Variants in F13A1 observed in about 807,000 individuals in gnomAD.
F13A1 encodes the protein coagulation factor XIII A chain, also known as FSF, A subunit.
In F13A1, 47 loss-of-function variants were observed where a neutral mutation model predicts 80.1. The observed-to-expected ratio is 0.59, with a 90% confidence interval of 0.46 to 0.75. The LOEUF (loss-of-function observed/expected upper bound fraction) is 0.75. Among genes scored for constraint, F13A1 ranks in the 30% least tolerant of loss-of-function variants. F13A1 has a pLI of 0.00. For synonymous variants in F13A1, 349 were observed against 344.9 expected (o/e 1.01, Z -0.13); for missense variants, 817 against 930.4 (o/e 0.88, Z 1.59).
intron 4 of F13A1, among the ~76,000 whole-genome samples, chr6:6,252,290 A>G (rs3895271): frequency 0.46 from 69,843 of 151,962 alleles, 17,764 homozygotes; most frequent in African/African-American, 0.69. Context: ...GATAATTTTT[A>G]GACATTGGGA....
At chr6:6,217,141 C>T (rs1345576265) in intron 8 of F13A1, among the ~76,000 whole-genome samples, 2 of 148,900 alleles carry the variant, frequency 1.3e-5, no homozygotes, top group African/African-American at 5.0e-5. Context: ...GGATCTAGAA[C>T]CAGAAATACC....
chr6:6,179,900 G>A (rs959518480), intron 11 of F13A1, among the ~76,000 whole-genome samples: 1 of 152,120 alleles, frequency 6.6e-6, no homozygotes, highest in Non-Finnish European at 1.5e-5. Context: ...CCCCAGCCAA[G>A]CCCCTGACTC....
At chr6:6,184,397 C>G (rs1035225014) in intron 10 of F13A1, among the ~76,000 whole-genome samples, 1 of 152,220 alleles carries the variant, frequency 6.6e-6, no homozygotes, top group Non-Finnish European at 1.5e-5. Context: ...ACACTTGCGG[C>G]TCAGATTTCT....
intron 10 of F13A1, among the ~76,000 whole-genome samples, chr6:6,192,683 G>A (rs1480339379): frequency 2.6e-5 from 4 of 152,160 alleles, no homozygotes; most frequent in Non-Finnish European, 5.9e-5. Flanking sequence ...GAGAACTGCT[G>A]GCCCACAGCA....
At chr6:6,230,160 T>G (rs1036465124) in intron 6 of F13A1, among the ~76,000 whole-genome samples, 3 of 152,126 alleles carry the variant, frequency 2.0e-5, no homozygotes, top group African/African-American at 7.2e-5. Context: ...AACCAAACCC[T>G]TTTCTTTTGC....
chr6:6,296,509 T>C (rs1758330286), intron 3 of F13A1, among the ~76,000 whole-genome samples: 1 of 150,844 alleles, frequency 6.6e-6, no homozygotes, highest in South Asian at 2.1e-4. Flanking sequence ...TTTGAAGCAA[T>C]TGTGAATGGG....
intron 6 of F13A1, among the ~76,000 whole-genome samples, chr6:6,246,611 G>A (rs999684040): frequency 3.3e-5 from 5 of 152,182 alleles, no homozygotes; most frequent in Admixed American, 2.6e-4. Context: ...GGCTTTACAT[G>A]ATTAATAAAA....
At chr6:6,313,776 C>A (rs1178231797) in intron 2 of F13A1, among the ~76,000 whole-genome samples, 2 of 152,006 alleles carry the variant, frequency 1.3e-5, no homozygotes, top group East Asian at 3.9e-4. Flanking sequence ...AAAGCATTTT[C>A]TTAAGTGGCT....
intron 3 of F13A1, among the ~76,000 whole-genome samples, chr6:6,269,242 A>G (rs1757887318): frequency 6.6e-6 from 1 of 152,048 alleles, no homozygotes; most frequent in South Asian, 2.1e-4. Flanking sequence ...TACAAAATGG[A>G]GATCATGGTG....
intron 3 of F13A1, among the ~76,000 whole-genome samples, chr6:6,276,196 C>T (rs4960182): frequency 0.62 from 94,045 of 152,066 alleles, 29,329 homozygotes; most frequent in African/African-American, 0.7. Flanking sequence ...CATGTTCCCA[C>T]GCTCCTCTGC....
chr6:6,229,199 A>G (rs1172481038), intron 6 of F13A1, among the ~76,000 whole-genome samples: 4 of 152,184 alleles, frequency 2.6e-5, no homozygotes. Flanking sequence ...GGGAAAAGAA[A>G]CTGCATGCAG....
rs143805048 is a variant in F13A1, at chr6:6,219,120, G to A, written c.1112+2913C>T. On this transcript the variant is annotated intron_variant, in intron 8 of 14. Transcript: ENST00000264870. ...GGGGCCCCAGCCACAAACCAACCAG[G>A]AGCGGGGAAGACAGGTTGAGGTGGG... Among the ~76,000 whole-genome samples the A allele has an allele frequency of 7.1e-3, 1,085 of 152,260 alleles. 5 individuals carry two copies. The highest frequency in any genetic ancestry group is 0.041 in the Middle Eastern group (12 of 294).
At chr6:6,267,462 C>CTGTTT (rs1757860859) in intron 3 of F13A1, among the ~76,000 whole-genome samples, 1 of 152,210 alleles carries the variant, frequency 6.6e-6, no homozygotes, top group Non-Finnish European at 1.5e-5. Flanking sequence ...CACCCATCTC[C>CTGTTT]TGTTTCTGCT....
intron 4 of F13A1, among the ~76,000 whole-genome samples, chr6:6,254,403 A>G (rs1757677064): frequency 6.6e-6 from 1 of 152,190 alleles, no homozygotes; most frequent in Non-Finnish European, 1.5e-5. Flanking sequence ...AGTTGTAAAC[A>G]AAACACCAAA....
chr6:6,291,876 G>A (rs1424950135), intron 3 of F13A1, among the ~76,000 whole-genome samples: 1 of 152,102 alleles, frequency 6.6e-6, no homozygotes, highest in Non-Finnish European at 1.5e-5. Flanking sequence ...TCCTCCCGAA[G>A]CTTCAGACTC....
intron 6 of F13A1, among the ~76,000 whole-genome samples, chr6:6,234,973 A>T (rs1408653408): frequency 6.6e-6 from 1 of 152,074 alleles, no homozygotes; most frequent in Admixed American, 6.6e-5. Flanking sequence ...GAGAACACAG[A>T]AATAGACTCA....
chr6:6,171,024 C>G lies in F13A1; in HGVS notation c.1748-3406G>C, dbSNP rs148328104. ...TAGGTTTGGTCAGCTGTCCCTAGGT[C>G]GATGACTGAGAGAATGATATCATTC... is the stretch of plus-strand genomic sequence containing the variant. On this transcript the variant is annotated intron_variant, in intron 12 of 14. Coordinates refer to ENST00000264870, the MANE Select transcript of F13A1 (RefSeq NM_000129.4). Among the ~76,000 whole-genome samples the G allele has an allele frequency of 1.6e-3, 247 of 152,076 alleles. 1 individual carries two copies. Among genetic ancestry groups the G allele is most frequent in the African/African-American group, 5.3e-3 (219 of 41,472 alleles).
chr6:6,206,885 A>G (rs1583071439), intron 8 of F13A1, among the ~76,000 whole-genome samples: 1 of 150,914 alleles, frequency 6.6e-6, no homozygotes. Flanking sequence ...TACAAAATGT[A>G]AAGCACCTTA....
rs780743246 is a variant in F13A1, at chr6:6,145,611, C to T, written c.*8G>A. ...AAATGCCAGGGTTCATCTCAGCTTC[C>T]TGTGCATTCACATGGAAGGTCGTCT... On this transcript the variant is annotated 3_prime_UTR_variant, in exon 15 of 15. Transcript: ENST00000264870. 56 of 1,614,054 alleles carry T rather than the reference C, an allele frequency of 3.5e-5. No individual in the cohort carries two copies. Among genetic ancestry groups the T allele is most frequent in the South Asian group, 3.3e-4 (30 of 91,094 alleles).
Sources: gnomAD v4.1 joint callset for allele counts (sites outside exome capture counted in the v4.1 genomes callset) on GRCh38, gnomAD v4.1.1 for gene constraint, MANE v1.5 for transcripts, NCBI Gene and HGNC (gene_info 2026-07-23, HGNC 2026-07-21) for gene names.